Variants in MTO1 observed in about 807,000 individuals in gnomAD.
MTO1 encodes the protein mitochondrial tRNA translation optimization 1.
Under a neutral mutation model 71.6 loss-of-function variants are expected in MTO1, and 46 were observed. That is an observed-to-expected ratio of 0.64 (90% confidence interval 0.51 to 0.82). The LOEUF is 0.82. MTO1 is among the 40% of genes least tolerant of loss of function. The pLI is 0.00. For missense variants in MTO1, 773 were observed against 867.5 expected (o/e 0.89, Z 1.37); for synonymous variants, 297 against 312.1 (o/e 0.95, Z 0.51).
At position 73,462,029 on chromosome 6, in the gene MTO1, G is replaced by A; in HGVS notation, c.175G>A (p.Gly59Ser). 1 of 1,614,042 alleles carries A rather than the reference G, an allele frequency of 6.2e-7. No individual in the cohort carries two copies. The highest frequency in any genetic ancestry group is 1.1e-5 in the South Asian group (1 of 91,086). The change falls in exon 1 of 12, where the codon GGC (glycine) becomes AGC (serine). Residue 59 changes from glycine to serine, a missense_variant. By Grantham distance (56) the Gly-to-Ser change is moderately conservative. Coordinates refer to ENST00000498286, the MANE Select transcript of MTO1 (RefSeq NM_012123.4). ...GGCAGCCACCGCCGCCGCTCGGTGC[G>A]GCTCTCGGACTCTGCTCCTCACTCA... ...TEAATAAARC[G>S]SRTLLLTHRV...
intron 4 of MTO1, among the ~76,000 whole-genome samples, chr6:73,476,639 T>G (rs1487799563): frequency 2.0e-5 from 3 of 152,080 alleles, no homozygotes; most frequent in Non-Finnish European, 4.4e-5. Flanking sequence ...TTATTCTTAT[T>G]CTTTTTTTTC....
intron 4 of MTO1, among the ~76,000 whole-genome samples, chr6:73,478,899 T>C (rs1464154706): frequency 6.7e-6 from 1 of 150,244 alleles, no homozygotes; most frequent in African/African-American, 2.4e-5. Flanking sequence ...TTTCTTTTTT[T>C]TTTTTTTGAG....
chr6:73,479,420 G>A (rs1220073019), intron 4 of MTO1, among the ~76,000 whole-genome samples: 1 of 152,012 alleles, frequency 6.6e-6, no homozygotes, highest in African/African-American at 2.4e-5. Flanking sequence ...GCTTGAACCC[G>A]GGACACAGAG....
rs2150046410 is a variant in MTO1 at position 73,500,836 on chromosome 6, T to C, written c.*101T>C. On this transcript the variant is annotated 3_prime_UTR_variant, in exon 12 of 12. Transcript: ENST00000498286. ...TTAGCACATGTTAAAATAGCTTTAT[T>C]AGGTTACTATGGGTTTGCCATTAAT... is the stretch of plus-strand genomic sequence containing the variant. 2 of 1,012,914 alleles carry C rather than the reference T, an allele frequency of 2.0e-6. No homozygotes were observed. Among genetic ancestry groups the C allele is most frequent in the South Asian group, 3.4e-5 (1 of 29,422 alleles). The allele number at this position is 1,012,914 out of a possible 1,614,324, so 62.7% of individuals were successfully genotyped here.
intron 10 of MTO1, among the ~76,000 whole-genome samples, chr6:73,494,418 G>A (rs779970611): frequency 6.6e-5 from 10 of 152,044 alleles, no homozygotes; most frequent in Non-Finnish European, 1.5e-4. Flanking sequence ...TGCTCTTTGG[G>A]AACCAGCCAG....
rs144758366 is a variant in MTO1 at position 73,491,357 on chromosome 6, C to T, written c.1638-877C>T. Among the ~76,000 whole-genome samples, 13 of 144,262 alleles carry T rather than the reference C, an allele frequency of 9.0e-5. No homozygotes were observed. In the East Asian group the frequency reaches 2.2e-3, roughly 25 times the overall value. 94.6% of individuals were successfully genotyped at this position (144,262 alleles called of 152,430 possible). On this transcript the variant is annotated intron_variant, in intron 9 of 11. Coordinates refer to ENST00000498286, the MANE Select transcript of MTO1 (RefSeq NM_012123.4). ...CCTGGCACTTTGGGAGGCCGAGGTA[C>T]GCAGATCACCTGGGCAACATGACAA... is the stretch of plus-strand genomic sequence containing the variant.
At chr6:73,496,631 T>TC (rs1184286373) in intron 10 of MTO1, among the ~76,000 whole-genome samples, 2 of 81,206 alleles carry the variant, frequency 2.5e-5, no homozygotes, top group Non-Finnish European at 4.8e-5. Context: ...CCCTACCCCC[T>TC]CCCCCCACCC....
At chr6:73,480,928 A>G (rs1771471126) in intron 7 of MTO1, 123 bp downstream of exon 7, 1 of 748,046 alleles carries the variant, frequency 1.3e-6, no homozygotes, top group South Asian at 2.1e-5. Context: ...AAGACAATTT[A>G]TGTTTCAGGG....
intron 7 of MTO1, 89 bp from the exon 8 acceptor site, chr6:73,481,951 C>A: frequency 7.1e-7 from 1 of 1,402,122 alleles, no homozygotes; most frequent in Non-Finnish European, 1.0e-6. Context: ...TCTTCCTGTC[C>A]CATGCCATTG....
rs148327246 is a variant in MTO1, at chr6:73,478,942, G to C, written c.826-790G>C. Among the ~76,000 whole-genome samples the C allele has an allele frequency of 4.6e-3, 669 of 146,612 alleles. 5 individuals are homozygous for C. The highest frequency in any genetic ancestry group is 0.016 in the African/African-American group (639 of 39,638). ...CTCGCCCTGTCATCCAGGCTGGAGT[G>C]CAATGGTGCAATCTCGGCTCACTGC... is the stretch of plus-strand genomic sequence containing the variant. On this transcript the variant is annotated intron_variant, in intron 4 of 11. Coordinates refer to ENST00000498286, the MANE Select transcript of MTO1 (RefSeq NM_012123.4).
intron 11 of MTO1, among the ~76,000 whole-genome samples, chr6:73,498,103 C>G (rs1272618472): frequency 6.6e-6 from 1 of 151,976 alleles, no homozygotes; most frequent in South Asian, 2.1e-4. Context: ...GCGCCAGCTA[C>G]TCGGGAGGCT....
intron 11 of MTO1, among the ~76,000 whole-genome samples, chr6:73,498,450 T>A (rs76365206): frequency 6.6e-6 from 1 of 150,524 alleles, no homozygotes; most frequent in East Asian, 1.9e-4. Context: ...AACTCATATT[T>A]GTGATTTTCA....
intron 1 of MTO1, chr6:73,464,016 C>G (rs898417642): frequency 6.6e-6 from 1 of 152,102 alleles, no homozygotes; most frequent in East Asian, 1.9e-4. Flanking sequence ...GCTGGGATTA[C>G]AGGTGTGAGC....
At chr6:73,473,796 T>G in intron 4 of MTO1, 142 bp downstream of exon 4, 1 of 767,086 alleles carries the variant, frequency 1.3e-6, no homozygotes, top group Non-Finnish European at 2.0e-6. Context: ...ATTTTTTTTT[T>G]TTTTTTTTGA....
At chr6:73,495,796 T>G (rs1163163059) in intron 10 of MTO1, among the ~76,000 whole-genome samples, 1 of 152,196 alleles carries the variant, frequency 6.6e-6, no homozygotes, top group Non-Finnish European at 1.5e-5. Context: ...GAGTCTATTC[T>G]TGAGTCATAA....
chr6:73,484,653 C>A (rs1771602351), intron 9 of MTO1, among the ~76,000 whole-genome samples: 1 of 152,076 alleles, frequency 6.6e-6, no homozygotes, highest in Non-Finnish European at 1.5e-5. Context: ...CACTAGGCAC[C>A]AGGAAATGGT....
chr6:73,482,102 C>T lies in MTO1; in HGVS notation c.1323C>T (p.Ser441=), dbSNP rs1771514528. The T allele has an allele frequency of 6.2e-7, 1 of 1,614,000 alleles. No individual in the cohort carries two copies. The highest frequency in any genetic ancestry group is 1.1e-5 in the South Asian group (1 of 91,086). Residue 441 remains serine, a synonymous_variant, in exon 8 of 12, where the codon AGC becomes AGT. Transcript: ENST00000498286. ...GTCGCAAGCCTCCCTTTGTGGTTAG[C>T]CGAACAGAAGGTTACATAGGAGTCT... The part of the protein sequence containing the change: ...RVSRKPPFVV[S]RTEGYIGVLI...
intron 9 of MTO1, among the ~76,000 whole-genome samples, chr6:73,490,045 A>G (rs937229239): frequency 3.3e-5 from 5 of 152,162 alleles, no homozygotes; most frequent in African/African-American, 1.2e-4. Flanking sequence ...GCCAGTGATG[A>G]TGAGCATTTT....
intron 10 of MTO1, among the ~76,000 whole-genome samples, chr6:73,493,797 C>T (rs1330350330): frequency 1.3e-5 from 2 of 152,046 alleles, no homozygotes; most frequent in East Asian, 3.8e-4. Context: ...TTGGCTTTGA[C>T]AGTATACTGA....
Sources: allele counts gnomAD v4.1 joint callset (sites outside exome capture counted in the v4.1 genomes callset), GRCh38; gene constraint gnomAD v4.1.1; transcripts MANE v1.5; gene names NCBI Gene and HGNC (gene_info 2026-07-23, HGNC 2026-07-21).